FSIP1: variants seen among roughly 807,000 people sequenced by gnomAD.
The protein encoded by FSIP1 is fibrous sheath-interacting protein 1.
Under a neutral mutation model 60.9 loss-of-function variants are expected in FSIP1, and 65 were observed. That is an observed-to-expected ratio of 1.07 (90% CI 0.87 to 1.31). FSIP1 has a LOEUF of 1.31. Ranked by LOEUF, FSIP1 falls within the 40% of genes most tolerant of loss-of-function variation. The pLI, the probability that FSIP1 is intolerant of heterozygous loss-of-function variation, is 0.00. For synonymous variants in FSIP1, 209 were observed against 221.2 expected, an observed-to-expected ratio of 0.94 and a Z score of 0.49; for missense variants, 675 against 665.5, an observed-to-expected ratio of 1.01 and a Z score of -0.16.
chr15:39,771,743 A>C (rs1262967167), intron 2 of FSIP1, among the ~76,000 whole-genome samples: 1 of 152,198 alleles, frequency 6.6e-6, no homozygotes, highest in Non-Finnish European at 1.5e-5. Context: ...AATAAGCAAA[A>C]TAGTGTCTAC....
At chr15:39,715,219 A>G (rs1034619163) in intron 9 of FSIP1, among the ~76,000 whole-genome samples, 1 of 152,072 alleles carries the variant, frequency 6.6e-6, no homozygotes, top group South Asian at 2.1e-4. Context: ...AATGTGCAGC[A>G]ATATTCACTA....
At chr15:39,640,012 G>A (rs1035237578) in intron 10 of FSIP1, among the ~76,000 whole-genome samples, 1 of 152,184 alleles carries the variant, frequency 6.6e-6, no homozygotes, top group Non-Finnish European at 1.5e-5. Flanking sequence ...CCAGCAAAGA[G>A]AAGATGCTCA....
At chr15:39,702,575 T>C (rs1209636938) in intron 10 of FSIP1, among the ~76,000 whole-genome samples, 1 of 149,332 alleles carries the variant, frequency 6.7e-6, no homozygotes, top group African/African-American at 2.5e-5. Flanking sequence ...CCATGTGGCA[T>C]GTTACTACCC....
intron 2 of FSIP1, among the ~76,000 whole-genome samples, chr15:39,776,197 A>AGAGAGAGG (rs1898054107): frequency 3.3e-5 from 1 of 30,676 alleles, no homozygotes; most frequent in African/African-American, 8.6e-5. Flanking sequence ...GGGAGGAGAG[A>AGAGAGAGG]GAGGGAGGGA....
intron 11 of FSIP1, among the ~76,000 whole-genome samples, chr15:39,607,736 A>G (rs1377033010): frequency 6.6e-6 from 1 of 152,212 alleles, no homozygotes; most frequent in African/African-American, 2.4e-5. Context: ...AAATAGTTGG[A>G]ACAGACCTCA....
chr15:39,617,812 G>A lies in FSIP1; in HGVS notation c.1622C>T (p.Pro541Leu), dbSNP rs992148366. 4.3e-6 allele frequency: 7 copies of A among 1,614,014 alleles called. No homozygotes were observed. The highest frequency in any genetic ancestry group is 5.1e-6 in the Non-Finnish European group (6 of 1,179,896). ...RLKRPSFLDDPLYGISVSLSS... is the reference protein window; with the variant it reads ...RLKRPSFLDDLLYGISVSLSS... ...AAGGCTCACACTGATACCATACAGT[G>A]GATCATCTAAGAAGGAGGGCCTTTT... The change falls in exon 11 of 12, where the codon CCA becomes CTA. Residue 541 changes from proline to leucine, a missense_variant. Transcript: ENST00000350221.
At chr15:39,711,727 G>C (rs1425359023) in intron 10 of FSIP1, among the ~76,000 whole-genome samples, 1 of 112,476 alleles carries the variant, frequency 8.9e-6, no homozygotes. Context: ...CTGTCACCCA[G>C]GCTGGAGTGT....
At chr15:39,707,029 A>G (rs1382707053) in intron 10 of FSIP1, among the ~76,000 whole-genome samples, 2 of 152,160 alleles carry the variant, frequency 1.3e-5, no homozygotes, top group African/African-American at 2.4e-5. Flanking sequence ...TATACATTAC[A>G]ATTTTTCAGT....
chr15:39,678,437 G>A (rs1226593488), intron 10 of FSIP1, among the ~76,000 whole-genome samples: 1 of 152,080 alleles, frequency 6.6e-6, no homozygotes, highest in African/African-American at 2.4e-5. Context: ...CCACCAAAAT[G>A]AGCACATACT....
intron 10 of FSIP1, among the ~76,000 whole-genome samples, chr15:39,620,487 G>T (rs1891399113): frequency 6.6e-6 from 1 of 151,978 alleles, no homozygotes; most frequent in African/African-American, 2.4e-5. Context: ...GGTAGGGAAG[G>T]CTGAGGCAAG....
intron 10 of FSIP1, among the ~76,000 whole-genome samples, chr15:39,654,645 T>C (rs1893002448): frequency 6.6e-6 from 1 of 152,228 alleles, no homozygotes; most frequent in Non-Finnish European, 1.5e-5. Context: ...AGAGCATATA[T>C]TCTCTCAGAT....
In FSIP1 at chr15:39,763,844, G is replaced by C. The variant is rs751487661; in HGVS notation, c.536C>G (p.Thr179Ser). ...MENTKKFLSL[T>S]AVSEETVGPS... ...ACCAACAGTTTCTTCAGAAACAGCAGTCAAAGATAAAAATTTTTTTGTATT... is the reference window on the plus strand; with the variant it reads ...ACCAACAGTTTCTTCAGAAACAGCACTCAAAGATAAAAATTTTTTTGTATT... Residue 179 changes from threonine to serine, a missense_variant, in exon 5 of 12, where the codon ACT becomes AGT. By Grantham distance (58) the Thr-to-Ser change is moderately conservative (BLOSUM62 1). Transcript: ENST00000350221. The C allele has an allele frequency of 6.3e-7, 1 of 1,588,350 alleles. No homozygotes were observed. The highest frequency in any genetic ancestry group is 1.1e-5 in the South Asian group (1 of 90,266).
chr15:39,621,047 G>A (rs1475000864), intron 10 of FSIP1, among the ~76,000 whole-genome samples: 1 of 143,272 alleles, frequency 7.0e-6, no homozygotes, highest in Non-Finnish European at 1.5e-5. Context: ...GCAAGAGAAG[G>A]GCATTTCTTA....
chr15:39,604,943 C>T (rs756237484), intron 11 of FSIP1, among the ~76,000 whole-genome samples: 1 of 152,138 alleles, frequency 6.6e-6, no homozygotes, highest in Admixed American at 6.5e-5. Context: ...AAAATTTTCT[C>T]AAACAATCTA....
At chr15:39,780,684 C>T (rs1898232994) in intron 1 of FSIP1, among the ~76,000 whole-genome samples, 1 of 152,188 alleles carries the variant, frequency 6.6e-6, no homozygotes, top group South Asian at 2.1e-4. Context: ...AATTCTAAAA[C>T]TTGCTCAAAA....
intron 4 of FSIP1, 77 bp from the exon 5 acceptor site, chr15:39,763,991 G>A (rs911270671): frequency 2.1e-5 from 16 of 776,064 alleles, no homozygotes; most frequent in African/African-American, 1.1e-4. Flanking sequence ...ACTCCAACAC[G>A]GCTCCCAATC....
Position 39,617,973 on chromosome 15 carries a change from G to C in FSIP1, c.1461C>G (p.Ala487=). 1.2e-6 allele frequency: 2 copies of C among 1,614,162 alleles called. No individual in the cohort carries two copies. Among genetic ancestry groups the C allele is most frequent in the Non-Finnish European group, 1.7e-6 (2 of 1,180,040 alleles). ...CTTCTGACATGTTATGTCCAGTCAAGGCTTTAGTGAGATAGTAGCCTTTAG... is the reference window on the plus strand; with the variant it reads ...CTTCTGACATGTTATGTCCAGTCAACGCTTTAGTGAGATAGTAGCCTTTAG... ...EASKGYYLTK[A]LTGHNMSEAL... The change falls in exon 11 of 12, where the codon GCC becomes GCG. Residue 487 remains alanine, a synonymous_variant. Coordinates refer to ENST00000350221, the MANE Select transcript of FSIP1 (RefSeq NM_152597.5).
At chr15:39,619,443 G>A (rs975793942) in intron 10 of FSIP1, among the ~76,000 whole-genome samples, 1 of 152,140 alleles carries the variant, frequency 6.6e-6, no homozygotes, top group Non-Finnish European at 1.5e-5. Context: ...AAATTCAGGT[G>A]ACTGACCCTA....
intron 5 of FSIP1, among the ~76,000 whole-genome samples, chr15:39,750,575 G>T (rs1034724711): frequency 1.2e-4 from 18 of 151,716 alleles, no homozygotes; most frequent in African/African-American, 4.3e-4. Flanking sequence ...GGGAAAACTG[G>T]AATTCCACAT....
Sources: allele counts gnomAD v4.1 joint callset (sites outside exome capture counted in the v4.1 genomes callset), GRCh38; gene constraint gnomAD v4.1.1; transcripts MANE v1.5; gene names NCBI Gene and HGNC (gene_info 2026-07-23, HGNC 2026-07-21).